UNC45A: variants seen among roughly 807,000 people sequenced by gnomAD.
UNC45A encodes unc-45 myosin chaperone A, also known as protein unc-45 homolog A.
A neutral mutation model predicts 103.2 loss-of-function variants in UNC45A; 78 were observed. That is an observed-to-expected ratio of 0.76 (90% confidence interval 0.63 to 0.91). The LOEUF (loss-of-function observed/expected upper bound fraction) is 0.91, where lower values mean the gene tolerates loss of function less well. Among genes scored for constraint, UNC45A ranks in the 40% least tolerant of loss-of-function variants. The pLI is 0.00. For synonymous variants in UNC45A, 495 were observed against 504.6 expected (o/e 0.98, Z 0.25); for missense variants, 1,193 against 1,224.8 (o/e 0.97, Z 0.39).
chr15:90,931,634 C>G (rs1170286827), upstream of UNC45A: 9 of 1,614,100 alleles, frequency 5.6e-6, no homozygotes, highest in Non-Finnish European at 7.6e-6. Context: ...TTCAGGGGAA[C>G]TGACCAACAT....
In UNC45A at chr15:90,948,846, C is replaced by T. The variant is rs1417220556; in HGVS notation, c.1878+52C>T. 4 of 1,503,904 alleles carry T rather than the reference C, an allele frequency of 2.7e-6. No individual in the cohort carries two copies. The Admixed American group carries it at 9.3e-5, about 35-fold the overall frequency. The allele number at this position is 1,503,904 out of a possible 1,614,324, so 93.2% of individuals were successfully genotyped here. On this transcript the variant is annotated intron_variant, in intron 13 of 19. Coordinates refer to ENST00000418476, the MANE Select transcript of UNC45A (RefSeq NM_018671.5). The stretch of plus-strand genomic sequence containing the variant: ...GGTTCCCCACCATGGGGACAGCTAA[C>T]CCAGGGCATCCACAGCAGAACAACC...
intron 9 of UNC45A, among the ~76,000 whole-genome samples, chr15:90,946,135 T>C (rs2036555017): frequency 6.6e-6 from 1 of 150,380 alleles, no homozygotes; most frequent in Admixed American, 6.6e-5. Context: ...GTGCCTGTAA[T>C]CCCAGCTACT....
At chr15:90,952,612 A>G (rs1327478937) in intron 17 of UNC45A, 1 of 288,972 alleles carries the variant, frequency 3.5e-6, no homozygotes, top group Non-Finnish European at 6.7e-6. Context: ...TTTAGTAGAG[A>G]CAAGGTTTCA....
chr15:90,949,680 T>A lies in UNC45A; in HGVS notation c.2033T>A (p.Val678Glu). Residue 678 changes from valine (V) to glutamate (E), a missense_variant, in exon 15 of 20, where the codon GTA becomes GAA. Val to Glu is a moderately radical substitution (Grantham distance 121). Coordinates refer to ENST00000418476, the MANE Select transcript of UNC45A (RefSeq NM_018671.5). ...SRVFLALVEEVEDRGTVVAQG... is the reference protein window; with the variant it reads ...SRVFLALVEEEEDRGTVVAQG... ...GTCTTCTTGGCTTTAGTGGAAGAGG[T>A]AGAGGACCGAGGCACTGTGGTTGCC... The A allele has an allele frequency of 6.2e-7, 1 of 1,613,962 alleles. No individual in the cohort carries two copies. The highest frequency in any genetic ancestry group is 8.5e-7 in the Non-Finnish European group (1 of 1,179,992).
rs778769501 is a variant in UNC45A, at chr15:90,953,057, G to T, written c.2421+11G>T. ...GCCATGAGCAAGGAGGTGAGGGTTG[G>T]TCTGGGTGCTCATGACAGGCGGGGA... On this transcript the variant is annotated intron_variant, in intron 18 of 19. Coordinates refer to ENST00000418476, the MANE Select transcript of UNC45A (RefSeq NM_018671.5). 1.2e-6 allele frequency: 2 copies of T among 1,613,542 alleles called. No homozygotes were observed. Among genetic ancestry groups the T allele is most frequent in the East Asian group, 4.5e-5 (2 of 44,880 alleles).
At chr15:90,932,524 G>A (rs1175532140), upstream of UNC45A, 2 of 1,292,466 alleles carry the variant, frequency 1.5e-6, no homozygotes, top group Non-Finnish European at 2.0e-6. Context: ...CAGCAGCTGC[G>A]CCGCCTCAGA....
At chr15:90,952,856 A>C (rs2036993386) in intron 17 of UNC45A, 73 bp from the exon 18 acceptor site, 1 of 1,409,230 alleles carries the variant, frequency 7.1e-7, no homozygotes, top group Non-Finnish European at 9.8e-7. Context: ...ATTGGGGATT[A>C]TAGTTCAACA....
At chr15:90,930,820 C>G (rs2035763864), upstream of UNC45A, 4 of 181,718 alleles carry the variant, frequency 2.2e-5, no homozygotes, top group South Asian at 3.9e-4. Flanking sequence ...GGCCCGCAAC[C>G]TGAGGGAGGT....
rs761061016 is a variant in UNC45A at position 90,939,882 on chromosome 15, C to A, written c.519+59C>A. 17 of 1,405,874 alleles carry A rather than the reference C, an allele frequency of 1.2e-5. No homozygotes were observed. The East Asian group carries it at 1.8e-4, about 15-fold the overall frequency. 87.1% of individuals were successfully genotyped at this position (1,405,874 alleles called of 1,614,324 possible). A position where few individuals can be genotyped will look rare whatever the true frequency, so the allele number is the denominator to read the frequency against. On this transcript the variant is annotated intron_variant, in intron 5 of 19. Coordinates refer to ENST00000418476, the MANE Select transcript of UNC45A (RefSeq NM_018671.5). ...CCCACTAGAGCCACCCATCCATAGG[C>A]CCCCGAAGCCACTGCTGCCTTGCTC...
intron 4 of UNC45A, among the ~76,000 whole-genome samples, chr15:90,939,494 A>T (rs759009497): frequency 6.6e-6 from 1 of 152,200 alleles, no homozygotes; most frequent in Non-Finnish European, 1.5e-5. Context: ...GCACTCCAGC[A>T]TCGGCGCAGC....
rs768964293 is a variant in UNC45A, at chr15:90,953,233, C to G, written c.2500C>G (p.Leu834Val). ...VLYSGEDDEL[L>V]QRAAAGGLAM... ...GTACAGTGGAGAGGATGATGAGCTG[C>G]TACAGCGGGCAGCTGCCGGGGGCTT... The change falls in exon 19 of 20, where the codon CTA becomes GTA. Residue 834 changes from leucine to valine, a missense_variant. By Grantham distance (32) the Leu-to-Val change is conservative. Transcript: ENST00000418476. 25 of 1,613,674 alleles carry G rather than the reference C, an allele frequency of 1.5e-5. No individual in the cohort carries two copies. The East Asian group carries it at 4.7e-4, about 30-fold the overall frequency.
chr15:90,945,550 G>A (rs779935058), intron 9 of UNC45A, among the ~76,000 whole-genome samples: 40 of 151,882 alleles, frequency 2.6e-4, no homozygotes, highest in African/African-American at 7.7e-4. Context: ...TAGTAGAGAC[G>A]GGGTTTCTCC....
chr15:90,941,642 T>C (rs532852920), intron 6 of UNC45A, among the ~76,000 whole-genome samples: 10 of 152,218 alleles, frequency 6.6e-5, no homozygotes, highest in Admixed American at 6.5e-4. Context: ...CAAGCAGGCC[T>C]TCTAGGGTTC....
intron 5 of UNC45A, 41 bp from the exon 6 acceptor site, chr15:90,940,265 G>C (rs775861029): frequency 1.3e-6 from 2 of 1,586,310 alleles, no homozygotes; most frequent in Non-Finnish European, 1.7e-6. Context: ...ATCCTATGCC[G>C]TGTGCAGTGT....
Position 90,935,695 on chromosome 15 carries a change from A to T in UNC45A, c.203A>T (p.His68Leu), listed in dbSNP as rs190611407. Reference sequence around the variant, plus strand: ...CTGCACCGGAACCGGGCCGCCTGCCACCTCAAGCTGGTGAGGGAGCCTGGC... The same window carrying T: ...CTGCACCGGAACCGGGCCGCCTGCCTCCTCAAGCTGGTGAGGGAGCCTGGC... ...AVLHRNRAAC[H>L]LKLEDYDKAE... Residue 68 changes from histidine to leucine, a missense_variant, in exon 2 of 20, where the codon CAC becomes CTC. Physicochemically the swap from His to Leu is moderately conservative, Grantham distance 99. Transcript: ENST00000418476. 3 of 1,558,502 alleles carry T rather than the reference A, an allele frequency of 1.9e-6. No homozygotes were observed. In the African/African-American group the frequency reaches 4.1e-5, roughly 21 times the overall value.
At chr15:90,934,768 G>C, upstream of UNC45A, 1 of 400,232 alleles carries the variant, frequency 2.5e-6, no homozygotes, top group Non-Finnish European at 4.4e-6. Context: ...CTGCCCATGG[G>C]TGGCTCTAGG....
chr15:90,943,252 C>A (rs1405430537), intron 8 of UNC45A, among the ~76,000 whole-genome samples, 170 bp downstream of exon 8: 1 of 151,774 alleles, frequency 6.6e-6, no homozygotes, highest in East Asian at 1.9e-4. Flanking sequence ...CATAGCGAGA[C>A]CCTGTCTCTA....
upstream of UNC45A, chr15:90,932,504 C>T (rs1349453468): frequency 1.5e-6 from 2 of 1,305,744 alleles, no homozygotes; most frequent in Non-Finnish European, 9.7e-7. Context: ...GCCGCGAAGT[C>T]GGCAGCCTCC....
chr15:90,940,346 G>C lies in UNC45A; in HGVS notation c.560G>C (p.Gly187Ala). The stretch of plus-strand genomic sequence containing the variant: ...GTGGTGCTGGCCAGGGAGGATGCTG[G>C]AGCGGAGAAGATCTTCCGGAGTAAT... ...NLVVLAREDA[G>A]AEKIFRSNGV... Residue 187 changes from glycine to alanine, a missense_variant, in exon 6 of 20, where the codon GGA becomes GCA. By Grantham distance (60) the Gly-to-Ala change is moderately conservative (BLOSUM62 0). Coordinates refer to ENST00000418476, the MANE Select transcript of UNC45A (RefSeq NM_018671.5). 1 of 1,614,146 alleles carries C rather than the reference G, an allele frequency of 6.2e-7. No individual in the cohort carries two copies. Among genetic ancestry groups the C allele is most frequent in the Non-Finnish European group, 8.5e-7 (1 of 1,180,004 alleles).
Sources: allele counts gnomAD v4.1 joint callset (sites outside exome capture counted in the v4.1 genomes callset), GRCh38; gene constraint gnomAD v4.1.1; transcripts MANE v1.5; gene names NCBI Gene and HGNC (gene_info 2026-07-23, HGNC 2026-07-21).